The following SIRPG variants were observed in gnomAD, a reference collection of about 807,000 sequenced individuals.
The protein encoded by SIRPG is signal regulatory protein gamma, also known as signal-regulatory protein gamma.
SIRPG carries 38 observed loss-of-function variants against 35.7 expected under a neutral mutation model. That is an observed-to-expected ratio of 1.06 (90% CI 0.82 to 1.40). The LOEUF (loss-of-function observed/expected upper bound fraction) is 1.40. SIRPG is among the 40% of genes most tolerant of loss of function. SIRPG has a pLI of 0.00. For missense variants in SIRPG, 519 were observed against 483.0 expected (o/e 1.07, Z -0.70); for synonymous variants, 215 against 190.4 (o/e 1.13, Z -1.06).
the SIRPG span, among the ~76,000 whole-genome samples, chr20:1,677,822 T>C: frequency 2.0e-5 from 3 of 152,032 alleles, no homozygotes; most frequent in Non-Finnish European, 4.4e-5. Flanking sequence ...TGAAGATAGG[T>C]CAGATGAGGA....
At chr20:1,680,832 G>GTT in the SIRPG span, among the ~76,000 whole-genome samples, 2 of 151,546 alleles carry the variant, frequency 1.3e-5, no homozygotes, top group Non-Finnish European at 1.5e-5. Context: ...ATACTTTCTT[G>GTT]TTTTTTTGGC....
chr20:1,637,996 A>G (rs1232365201), intron 2 of SIRPG, among the ~76,000 whole-genome samples: 3 of 152,240 alleles, frequency 2.0e-5, no homozygotes, highest in Non-Finnish European at 4.4e-5. Flanking sequence ...TCCCTACCAC[A>G]TGCAAACATT....
At chr20:1,662,985 A>ACTC in the SIRPG span, among the ~76,000 whole-genome samples, 1 of 151,500 alleles carries the variant, frequency 6.6e-6, no homozygotes, top group Non-Finnish European at 1.5e-5. Flanking sequence ...TTTGGGGAAG[A>ACTC]CTCAGAGGAA....
At chr20:1,643,441 A>G (rs1326571009) in intron 2 of SIRPG, among the ~76,000 whole-genome samples, 3 of 152,112 alleles carry the variant, frequency 2.0e-5, no homozygotes, top group Non-Finnish European at 4.4e-5. Context: ...GTTCCTCTAT[A>G]AACTGGTTTT....
chr20:1,637,050 GGAA>G (rs1371768632), intron 2 of SIRPG, among the ~76,000 whole-genome samples: 1 of 152,208 alleles, frequency 6.6e-6, no homozygotes, highest in Non-Finnish European at 1.5e-5. Context: ...ATGGGGCCAT[GGAA>G]GAAGTTTTGC....
intron 5 of SIRPG, 88 bp downstream of exon 5, chr20:1,630,134 G>A (rs1049548567): frequency 3.9e-6 from 4 of 1,022,622 alleles, no homozygotes; most frequent in Non-Finnish European, 6.0e-6. Context: ...CACGGACCCT[G>A]GTGCTGCATG....
the SIRPG span, among the ~76,000 whole-genome samples, chr20:1,682,073 G>C: frequency 8.4e-4 from 128 of 152,262 alleles, no homozygotes; most frequent in Non-Finnish European, 1.6e-3. Flanking sequence ...AACACTAATA[G>C]AGTAATGCAT....
At chr20:1,648,359 T>G (rs752794617) in intron 2 of SIRPG, 6 of 152,226 alleles carry the variant, frequency 3.9e-5, no homozygotes, top group Non-Finnish European at 7.3e-5. Context: ...CGAGACTTAT[T>G]GGCATCTCCT....
chr20:1,667,383 A>G, the SIRPG span, among the ~76,000 whole-genome samples: 1 of 152,208 alleles, frequency 6.6e-6, no homozygotes, highest in Non-Finnish European at 1.5e-5. Context: ...TGCCAAAACC[A>G]AATTAGCTTG....
upstream of SIRPG, among the ~76,000 whole-genome samples, chr20:1,658,939 A>G (rs552881097): frequency 1.4e-3 from 206 of 152,274 alleles, 3 homozygotes; most frequent in Non-Finnish European, 6.9e-4. Flanking sequence ...GTTCAACCAT[A>G]GATTAATTCC....
At chr20:1,661,411 A>T (rs150698523), upstream of SIRPG, among the ~76,000 whole-genome samples, 387 of 152,344 alleles carry the variant, frequency 2.5e-3, 1 homozygote, top group African/African-American at 8.8e-3. Flanking sequence ...ATGGGAGAGA[A>T]GAAAATGCTC....
chr20:1,684,262 T>C, the SIRPG span, among the ~76,000 whole-genome samples: 1 of 152,322 alleles, frequency 6.6e-6, no homozygotes, highest in South Asian at 2.1e-4. Flanking sequence ...TAATATGTTG[T>C]ACATGATAAG....
upstream of SIRPG, among the ~76,000 whole-genome samples, chr20:1,662,210 C>G (rs1356840676): frequency 6.6e-6 from 1 of 152,142 alleles, no homozygotes; most frequent in Non-Finnish European, 1.5e-5. Flanking sequence ...GAAGCCAAAA[C>G]CTCTGTGGGA....
At chr20:1,653,668 G>C (rs530018014) in intron 1 of SIRPG, among the ~76,000 whole-genome samples, 2 of 152,272 alleles carry the variant, frequency 1.3e-5, no homozygotes, top group South Asian at 2.1e-4. Context: ...TTGCTTATCT[G>C]TTGCTTCTAT....
rs561208868 is a variant in SIRPG, at chr20:1,657,750, C to G, written c.-36G>C. The G allele has an allele frequency of 6.3e-7, 1 of 1,598,292 alleles. No homozygotes were observed. Among genetic ancestry groups the G allele is most frequent in the Non-Finnish European group, 8.6e-7 (1 of 1,166,374 alleles). ...TCAGAAGCCTGCTCTGTTCAAACGT[C>G]TGTTCTGGGGAGATGTCAGGCCCTG... is the stretch of plus-strand genomic sequence containing the variant. On this transcript the variant is annotated 5_prime_UTR_variant, in exon 1 of 6. Coordinates refer to ENST00000303415, the MANE Select transcript of SIRPG (RefSeq NM_018556.4).
the SIRPG span, among the ~76,000 whole-genome samples, chr20:1,663,012 T>C: frequency 6.6e-6 from 1 of 150,954 alleles, no homozygotes; most frequent in Non-Finnish European, 1.5e-5. Context: ...GATTTGACTT[T>C]TCAAAAAAAA....
intron 2 of SIRPG, chr20:1,637,185 T>A (rs2091810596): frequency 1.1e-5 from 2 of 178,840 alleles, no homozygotes; most frequent in Non-Finnish European, 2.6e-5. Flanking sequence ...ATATTTTTCA[T>A]TCTTTTCACA....
upstream of SIRPG, among the ~76,000 whole-genome samples, chr20:1,661,775 A>T (rs140640380): frequency 6.6e-6 from 1 of 152,318 alleles, no homozygotes; most frequent in African/African-American, 2.4e-5. Context: ...GAAGTTGTGG[A>T]TGTCTGTGCT....
intron 1 of SIRPG, among the ~76,000 whole-genome samples, chr20:1,652,945 A>G (rs1420409173): frequency 1.3e-5 from 2 of 152,252 alleles, no homozygotes; most frequent in African/African-American, 4.8e-5. Flanking sequence ...TGAATTGCTC[A>G]GTGGGACATT....
Sources: allele counts gnomAD v4.1 joint callset (sites outside exome capture counted in the v4.1 genomes callset), GRCh38; gene constraint gnomAD v4.1.1; transcripts MANE v1.5; gene names NCBI Gene and HGNC (gene_info 2026-07-23, HGNC 2026-07-21).